TNS4: variants seen among roughly 807,000 people sequenced by gnomAD.
The protein encoded by TNS4 is tensin-4.
A neutral mutation model predicts 70.4 loss-of-function variants in TNS4; 46 were observed. The ratio of observed to expected loss-of-function variants is 0.65; its 90% CI spans 0.52 to 0.84. The LOEUF (loss-of-function observed/expected upper bound fraction) is 0.84. Ranked by LOEUF, TNS4 falls within the 40% of genes least tolerant of loss-of-function variation. The probability of loss-of-function intolerance (pLI) is 0.00; values close to 1 mark genes in which losing one functional copy is unlikely to be tolerated. For missense variants in TNS4, 863 were observed against 907.0 expected (o/e 0.95, Z 0.62); for synonymous variants, 390 against 366.6 (o/e 1.06, Z -0.73).
Position 40,488,958 on chromosome 17 carries a change from T to C in TNS4, c.451A>G (p.Ile151Val), listed in dbSNP as rs1035204953. Residue 151 changes from isoleucine to valine, a missense_variant, in exon 3 of 13, where the codon ATC (isoleucine) becomes GTC (valine). Ile to Val is a conservative substitution (Grantham distance 29, BLOSUM62 3). Coordinates refer to ENST00000254051, the MANE Select transcript of TNS4 (RefSeq NM_032865.6). Reference sequence around the variant, plus strand: ...CTTGATCTGGCGGAGGTCACCTCGATGTACTTTATGTCTTTGGGGGAGAAA... The same window carrying C: ...CTTGATCTGGCGGAGGTCACCTCGACGTACTTTATGTCTTTGGGGGAGAAA... ...EESEALDIKY[I>V]EVTSARSRCH... The C allele has an allele frequency of 6.3e-7, 1 of 1,578,456 alleles. No homozygotes were observed. Among genetic ancestry groups the C allele is most frequent in the South Asian group, 1.1e-5 (1 of 87,890 alleles).
chr17:40,484,526 G>A lies in TNS4; in HGVS notation c.1459C>T (p.Leu487=). Residue 487 remains leucine, a synonymous_variant, in exon 6 of 13, where the codon CTG becomes TTG. Transcript: ENST00000254051. ...SSYRGSFGLA[L]KVQEVPASAQ... ...GACGCGGGAACCTCCTGCACCTTCA[G>A]GGCCAGGCCGAAGGAGCCTCGGTAT... The A allele has an allele frequency of 6.2e-7, 1 of 1,612,572 alleles. No homozygotes were observed. The highest frequency in any genetic ancestry group is 8.5e-7 in the Non-Finnish European group (1 of 1,180,016).
rs1035204953 is a variant in TNS4, at chr17:40,488,958, T to G, written c.451A>C (p.Ile151Leu). The part of the protein sequence containing the change: ...EESEALDIKY[I>L]EVTSARSRCH... ...CTTGATCTGGCGGAGGTCACCTCGA[T>G]GTACTTTATGTCTTTGGGGGAGAAA... Residue 151 changes from isoleucine to leucine, a missense_variant, in exon 3 of 13, where the codon ATC becomes CTC. By Grantham distance (5) the Ile-to-Leu change is conservative (BLOSUM62 2). Coordinates refer to ENST00000254051, the MANE Select transcript of TNS4 (RefSeq NM_032865.6). 6.3e-7 allele frequency: 1 copy of G among 1,578,338 alleles called. No individual in the cohort carries two copies.
chr17:40,496,489 G>A lies in TNS4; in HGVS notation c.-64C>T. 6.7e-7 allele frequency: 1 copy of A among 1,503,546 alleles called. No homozygotes were observed. Among genetic ancestry groups the A allele is most frequent in the Non-Finnish European group, 8.9e-7 (1 of 1,122,952 alleles). The allele number at this position is 1,503,546 out of a possible 1,614,324, so 93.1% of individuals were successfully genotyped here. A position where few individuals can be genotyped will look rare whatever the true frequency, so the allele number is the denominator to read the frequency against. On this transcript the variant is annotated 5_prime_UTR_variant, in exon 2 of 13. Transcript: ENST00000254051. ...CAACCAGCCTCACTGACATCCCAGA[G>A]ATCTCACTTGCTAACCAGGAGCTCC...
chr17:40,482,176 G>C lies in TNS4; in HGVS notation c.1625C>G (p.Ser542Cys). ...GCAGGGCAGGGCCAGGGCCATGATG[G>C]AATGCTGGCACACGAAGGCAGAGAG... ...GSLSAFVCQH[S>C]IMALALPCKL... Residue 542 changes from serine to cysteine, a missense_variant, in exon 8 of 13, where the codon TCC becomes TGC. Ser to Cys is a moderately radical substitution (Grantham distance 112). Transcript: ENST00000254051. 1 of 1,614,218 alleles carries C rather than the reference G, an allele frequency of 6.2e-7. No individual in the cohort carries two copies. Among genetic ancestry groups the C allele is most frequent in the South Asian group, 1.1e-5 (1 of 91,082 alleles).
intron 1 of TNS4, among the ~76,000 whole-genome samples, chr17:40,499,378 G>A (rs2036183983): frequency 6.6e-6 from 1 of 152,182 alleles, no homozygotes; most frequent in Admixed American, 6.5e-5. Context: ...CAGGAGTCTT[G>A]CTGATGCCCC....
chr17:40,481,999 C>A (rs627857), intron 8 of TNS4, 130 bp downstream of exon 8: 2 of 1,023,392 alleles, frequency 2.0e-6, no homozygotes, highest in Non-Finnish European at 2.8e-6. Flanking sequence ...AGATGTTGAG[C>A]GACTCCAGTG....
In TNS4 at chr17:40,476,287, G is replaced by T. The variant is rs1307525516; in HGVS notation, c.*1301C>A. ...GCCCAGCTCCTCCAAGCCTCTTAGG[G>T]AAGCGGCCTCTTTGCATTCTTGACT... On this transcript the variant is annotated 3_prime_UTR_variant, in exon 13 of 13. Transcript: ENST00000254051. 6.6e-6 allele frequency: 1 copy of T among 152,160 alleles called. No individual in the cohort carries two copies. The highest frequency in any genetic ancestry group is 1.9e-4 in the East Asian group (1 of 5,192). The allele number at this position is 152,160 out of a possible 1,614,324, so 9.4% of individuals were successfully genotyped here.
chr17:40,484,652 G>T (rs1279573343), intron 5 of TNS4, 43 bp from the exon 6 acceptor site: 1 of 1,607,206 alleles, frequency 6.2e-7, no homozygotes, highest in African/African-American at 1.3e-5. Flanking sequence ...GCCCCACCTG[G>T]ACACCCTGTC....
chr17:40,491,917 A>G (rs1383578283), intron 2 of TNS4, among the ~76,000 whole-genome samples: 1 of 152,046 alleles, frequency 6.6e-6, no homozygotes. Context: ...CCTGGCAGAC[A>G]TTGTTGGAAA....
At position 40,487,036 on chromosome 17, in the gene TNS4, C is replaced by T. The variant is rs2035997634; in HGVS notation, c.1288G>A (p.Gly430Ser). 1 of 1,613,138 alleles carries T rather than the reference C, an allele frequency of 6.2e-7. No homozygotes were observed. The highest frequency in any genetic ancestry group is 1.3e-5 in the African/African-American group (1 of 74,876). The change falls in exon 4 of 13, where the codon GGT becomes AGT. Residue 430 changes from glycine (G) to serine (S), a missense_variant and splice_region_variant. Gly to Ser is a moderately conservative substitution (Grantham distance 56). Transcript: ENST00000254051. ...SDAPFTTCPE[G>S]PARDMQPTMK... Reference sequence around the variant, plus strand: ...CTTCAAATATTGGTTTACGACGTACCCTCTGGGCATGTGGTAAAGGGGGCA... The same window carrying T: ...CTTCAAATATTGGTTTACGACGTACTCTCTGGGCATGTGGTAAAGGGGGCA...
chr17:40,479,683 A>T lies in TNS4; in HGVS notation c.1901T>A (p.Val634Asp). ...AAGGGAAGGCCCTTACTTCCTCTGGACATCAGTCAGAGTGATGCCCTGCTC... is the reference window on the plus strand; with the variant it reads ...AAGGGAAGGCCCTTACTTCCTCTGGTCATCAGTCAGAGTGATGCCCTGCTC... ...VTEQGITLTDVQRKVFFRRHY... is the reference protein window; with the variant it reads ...VTEQGITLTDDQRKVFFRRHY... Residue 634 changes from valine to aspartate, a missense_variant, in exon 10 of 13, where the codon GTC becomes GAC. Transcript: ENST00000254051. 6.2e-7 allele frequency: 1 copy of T among 1,613,508 alleles called. No individual in the cohort carries two copies. Among genetic ancestry groups the T allele is most frequent in the South Asian group, 1.1e-5 (1 of 91,048 alleles).
intron 1 of TNS4, among the ~76,000 whole-genome samples, chr17:40,497,046 G>T (rs555627396): frequency 6.6e-6 from 1 of 152,208 alleles, no homozygotes; most frequent in Non-Finnish European, 1.5e-5. Context: ...CTGCCAACAA[G>T]TGTAGAGAAG....
In TNS4 at chr17:40,488,795, C is replaced by T; in HGVS notation, c.614G>A (p.Gly205Glu). ...RSSSESLIFSGNQGRGHQRPL... is the reference protein window; with the variant it reads ...RSSSESLIFSENQGRGHQRPL... Reference sequence around the variant, plus strand: ...GCGCTGGTGCCCCCTGCCCTGGTTCCCAGAGAAGATGAGGCTCTCACTGCT... The same window carrying T: ...GCGCTGGTGCCCCCTGCCCTGGTTCTCAGAGAAGATGAGGCTCTCACTGCT... Residue 205 changes from glycine (G) to glutamate (E), a missense_variant, in exon 3 of 13, where the codon GGG becomes GAG. Transcript: ENST00000254051. 6.2e-7 allele frequency: 1 copy of T among 1,612,730 alleles called. No individual in the cohort carries two copies. Among genetic ancestry groups the T allele is most frequent in the African/African-American group, 1.3e-5 (1 of 74,762 alleles).
In TNS4 at chr17:40,476,942, C is replaced by G. The variant is rs1282016406; in HGVS notation, c.*646G>C. 3 of 152,218 alleles carry G rather than the reference C, an allele frequency of 2.0e-5. No individual in the cohort carries two copies. The highest frequency in any genetic ancestry group is 1.3e-4 in the Admixed American group (2 of 15,282). The allele number at this position is 152,218 out of a possible 1,614,324, so 9.4% of individuals were successfully genotyped here. On this transcript the variant is annotated 3_prime_UTR_variant, in exon 13 of 13. Coordinates refer to ENST00000254051, the MANE Select transcript of TNS4 (RefSeq NM_032865.6). ...GCAAGGGGGTGCAGGACAGCTGGGT[C>G]TCCTCTGACCATGGGGACAAGTTCC...
chr17:40,487,233 G>A lies in TNS4; in HGVS notation c.1091C>T (p.Ser364Phe), dbSNP rs2036001568. The A allele has an allele frequency of 6.2e-7, 1 of 1,614,222 alleles. No individual in the cohort carries two copies. Among genetic ancestry groups the A allele is most frequent in the African/African-American group, 1.3e-5 (1 of 75,064 alleles). Residue 364 changes from serine (S) to phenylalanine (F), a missense_variant, in exon 4 of 13, where the codon TCC (serine) becomes TTC (phenylalanine). Physicochemically the swap from Ser to Phe is radical, Grantham distance 155 (BLOSUM62 -2). Transcript: ENST00000254051. ...AKEHASSCPP[S>F]ITNSMVDIPI... Reference sequence around the variant, plus strand: ...TATGTCCACCATGGAGTTGGTGATGGATGGGGGGCAGCTGCTGGCATGTTC... The same window carrying A: ...TATGTCCACCATGGAGTTGGTGATGAATGGGGGGCAGCTGCTGGCATGTTC...
chr17:40,486,671 AC>A (rs1567811014), intron 4 of TNS4, among the ~76,000 whole-genome samples: 1 of 150,316 alleles, frequency 6.7e-6, no homozygotes, highest in African/African-American at 2.5e-5. Flanking sequence ...ATGACTGTGG[AC>A]CCCCTGCTTT....
In TNS4 at chr17:40,488,696, C is replaced by A; in HGVS notation, c.713G>T (p.Ser238Ile). The change falls in exon 3 of 13, where the codon AGC (serine) becomes ATC (isoleucine). Residue 238 changes from serine to isoleucine, a missense_variant. By Grantham distance (142) the Ser-to-Ile change is moderately radical. Transcript: ENST00000254051. ...CAAACCATGGGGGCTCGAGGCCTTG[C>A]TCCCCATGCAAGGGATTGAGATGCT... Reference protein sequence around the residue: ...SPSISIPCMGSKASSPHGLGS... With the variant: ...SPSISIPCMGIKASSPHGLGS... The A allele has an allele frequency of 6.3e-7, 1 of 1,583,940 alleles. No individual in the cohort carries two copies. Among genetic ancestry groups the A allele is most frequent in the Non-Finnish European group, 8.6e-7 (1 of 1,164,284 alleles).
At chr17:40,484,353 C>T (rs4890115) in intron 6 of TNS4, 131 bp downstream of exon 6, 209,957 of 1,373,794 alleles carry the variant, frequency 0.15, 18,756 homozygotes, top group East Asian at 0.42. Context: ...CTGGGGTGGA[C>T]GCTTCTCCTA....
rs927682144 is a variant in TNS4, at chr17:40,488,471, T to C, written c.863+75A>G. The C allele has an allele frequency of 2.9e-6, 4 of 1,365,682 alleles. No homozygotes were observed. The Admixed American group carries it at 8.1e-5, about 28-fold the overall frequency. 84.6% of individuals were successfully genotyped at this position (1,365,682 alleles called of 1,614,324 possible). A position where few individuals can be genotyped will look rare whatever the true frequency, so the allele number is the denominator to read the frequency against. The stretch of plus-strand genomic sequence containing the variant: ...TTTGCTCAGACAGAGCAGGGTCCCT[T>C]TCAGTGATTTTAGGGGGTGCATGCG... On this transcript the variant is annotated intron_variant, in intron 3 of 12. Coordinates refer to ENST00000254051, the MANE Select transcript of TNS4 (RefSeq NM_032865.6).
Sources: gnomAD v4.1 joint callset for allele counts (sites outside exome capture counted in the v4.1 genomes callset) on GRCh38, gnomAD v4.1.1 for gene constraint, MANE v1.5 for transcripts, NCBI Gene and HGNC (gene_info 2026-07-23, HGNC 2026-07-21) for gene names.